The following REEP1 variants were observed in gnomAD, a reference collection of about 807,000 sequenced individuals.
The protein encoded by REEP1 is receptor accessory protein 1.
In REEP1, 22 loss-of-function variants were observed where a neutral mutation model predicts 40.3. The ratio of observed to expected loss-of-function variants is 0.55; its 90% CI spans 0.39 to 0.78. REEP1 has a LOEUF of 0.78. REEP1 is among the 30% of genes least tolerant of loss of function. The pLI is 0.00. For synonymous variants in REEP1, 116 were observed against 139.2 expected (o/e 0.83, Z 1.17); for missense variants, 280 against 361.1 (o/e 0.78, Z 1.82).
intron 7 of REEP1, among the ~76,000 whole-genome samples, chr2:86,224,156 A>G (rs1376577978): frequency 1.3e-5 from 2 of 152,108 alleles, no homozygotes. Flanking sequence ...ATCATGAATT[A>G]AGACCTGAAT....
At chr2:86,315,824 A>C (rs867455436) in intron 1 of REEP1, among the ~76,000 whole-genome samples, 3 of 152,202 alleles carry the variant, frequency 2.0e-5, no homozygotes, top group Non-Finnish European at 4.4e-5. Flanking sequence ...GGCTGGTTTC[A>C]GTCAAACACA....
At chr2:86,331,185 A>G (rs764739949) in intron 1 of REEP1, among the ~76,000 whole-genome samples, 7 of 152,118 alleles carry the variant, frequency 4.6e-5, no homozygotes, top group Non-Finnish European at 1.0e-4. Flanking sequence ...CCCTAACTTC[A>G]TATCTTCCCA....
At chr2:86,263,212 C>CAT (rs1558898020) in intron 3 of REEP1, among the ~76,000 whole-genome samples, 23 of 152,026 alleles carry the variant, frequency 1.5e-4, no homozygotes, top group African/African-American at 2.4e-5. Context: ...TACACACACA[C>CAT]ATATATTAGT....
chr2:86,307,999 A>G (rs192643886), intron 1 of REEP1, among the ~76,000 whole-genome samples: 48 of 152,354 alleles, frequency 3.2e-4, no homozygotes, highest in African/African-American at 9.9e-4. Flanking sequence ...TTTAAAAAAC[A>G]TGTCTTAAAA....
intron 1 of REEP1, among the ~76,000 whole-genome samples, chr2:86,309,648 C>T (rs1480163776): frequency 6.6e-6 from 1 of 152,190 alleles, no homozygotes; most frequent in Non-Finnish European, 1.5e-5. Context: ...GGCTCTCTTC[C>T]TAGCTTGCAG....
intron 5 of REEP1, among the ~76,000 whole-genome samples, chr2:86,244,851 T>C (rs550361824): frequency 4.6e-5 from 7 of 152,268 alleles, no homozygotes; most frequent in Non-Finnish European, 8.8e-5. Flanking sequence ...GGACTTGAAA[T>C]GGGGCTAGTA....
At chr2:86,263,918 CT>C (rs1369034502) in intron 3 of REEP1, 46 bp downstream of exon 3, 1 of 1,469,260 alleles carries the variant, frequency 6.8e-7, no homozygotes, top group South Asian at 1.1e-5. Context: ...CTGAGTGACA[CT>C]AAGCAAAATT....
rs574769759 is a variant in REEP1, at chr2:86,296,486, C to T, written c.33-14244G>A. ...CAAAATTAGTAAAATATTTTGATCACATGTATTTGTATTACCACAAGTCCT... is the reference window on the plus strand; with the variant it reads ...CAAAATTAGTAAAATATTTTGATCATATGTATTTGTATTACCACAAGTCCT... On this transcript the variant is annotated intron_variant, in intron 1 of 8. Transcript: ENST00000538924. 3.3e-5 allele frequency among the ~76,000 whole-genome samples: 5 copies of T among 152,322 alleles called. 1 individual carries two copies. In the East Asian group the frequency reaches 7.7e-4, roughly 23 times the overall value.
At chr2:86,242,847 G>A (rs918866288) in intron 5 of REEP1, among the ~76,000 whole-genome samples, 4 of 152,298 alleles carry the variant, frequency 2.6e-5, no homozygotes, top group East Asian at 3.9e-4. Context: ...CAAATGCAGA[G>A]AAGGGATGTC....
intron 1 of REEP1, among the ~76,000 whole-genome samples, chr2:86,335,711 T>C (rs1680988009): frequency 6.6e-6 from 1 of 151,868 alleles, no homozygotes; most frequent in Non-Finnish European, 1.5e-5. Context: ...TAGCTGGGCG[T>C]GGTGGCAGGC....
intron 1 of REEP1, among the ~76,000 whole-genome samples, chr2:86,290,000 C>CT (rs965209071): frequency 2.0e-5 from 3 of 151,982 alleles, no homozygotes; most frequent in African/African-American, 4.8e-5. Flanking sequence ...CTCTTTCTTT[C>CT]TTTTTTTGTT....
chr2:86,250,367 T>C (rs1454686561), intron 5 of REEP1, among the ~76,000 whole-genome samples: 1 of 152,170 alleles, frequency 6.6e-6, no homozygotes, highest in Non-Finnish European at 1.5e-5. Flanking sequence ...TGAGACAGGG[T>C]TTCCGTAGCT....
chr2:86,242,498 C>T (rs1333630738), intron 5 of REEP1, among the ~76,000 whole-genome samples: 6 of 151,772 alleles, frequency 4.0e-5, no homozygotes, highest in South Asian at 4.2e-4. Flanking sequence ...ATGGAGGAGA[C>T]GGCATTAACC....
At chr2:86,242,808 A>G (rs1675734612) in intron 5 of REEP1, among the ~76,000 whole-genome samples, 1 of 152,162 alleles carries the variant, frequency 6.6e-6, no homozygotes, top group Non-Finnish European at 1.5e-5. Context: ...CAAGAGTCCA[A>G]GCTAGAAGGA....
At chr2:86,236,194 C>A in intron 5 of REEP1, among the ~76,000 whole-genome samples, 1 of 148,682 alleles carries the variant, frequency 6.7e-6, no homozygotes, top group African/African-American at 2.5e-5. Flanking sequence ...CCAGCCTGGG[C>A]AACAAGAGCA....
intron 1 of REEP1, among the ~76,000 whole-genome samples, chr2:86,282,952 A>G (rs1456947124): frequency 6.6e-6 from 1 of 151,950 alleles, no homozygotes; most frequent in Non-Finnish European, 1.5e-5. Context: ...ACCATGCACT[A>G]TCCCCCACCC....
In REEP1 at chr2:86,219,721, C is replaced by T. The variant is rs1341930166; in HGVS notation, c.783+249G>A. 2.6e-5 allele frequency among the ~76,000 whole-genome samples: 4 copies of T among 152,210 alleles called. No individual in the cohort carries two copies. The East Asian group carries it at 7.7e-4, about 29-fold the overall frequency. Reference sequence around the variant, plus strand: ...TCGGCCTCCCAAAGTGCTGGGATTACAGGCATAAGCCACTGCACCCGGCTC... The same window carrying T: ...TCGGCCTCCCAAAGTGCTGGGATTATAGGCATAAGCCACTGCACCCGGCTC... On this transcript the variant is annotated intron_variant, in intron 8 of 8. Coordinates refer to ENST00000538924, the MANE Select transcript of REEP1 (RefSeq NM_001371279.1).
rs150962448 is a variant in REEP1 at position 86,284,816 on chromosome 2, A to C, written c.33-2574T>G. 4.1e-3 allele frequency among the ~76,000 whole-genome samples: 629 copies of C among 152,316 alleles called. 3 individuals are homozygous for C. The highest frequency in any genetic ancestry group is 6.8e-3 in the Middle Eastern group (2 of 294). On this transcript the variant is annotated intron_variant, in intron 1 of 8. Transcript: ENST00000538924. ...AAGGCAAGACAGGAAGGCCTGTGCT[A>C]GGTCAGCTGGACTCTTCTGGAGTGA...
intron 4 of REEP1, among the ~76,000 whole-genome samples, chr2:86,254,100 G>C (rs1676420804): frequency 2.0e-5 from 3 of 152,070 alleles, no homozygotes. Context: ...AAGTAGAAAT[G>C]GATTTGTGTG....
Sources: gnomAD v4.1 joint callset for allele counts (sites outside exome capture counted in the v4.1 genomes callset) on GRCh38, gnomAD v4.1.1 for gene constraint, MANE v1.5 for transcripts, NCBI Gene and HGNC (gene_info 2026-07-23, HGNC 2026-07-21) for gene names.